SLC35F4: variants seen among roughly 807,000 people sequenced by gnomAD.
The protein encoded by SLC35F4 is chromosome 14 open reading frame 36.
SLC35F4 carries 24 observed loss-of-function variants against 44.2 expected under a neutral mutation model. The ratio of observed to expected loss-of-function variants is 0.54; its 90% confidence interval spans 0.39 to 0.76. The LOEUF is 0.76. Among genes scored for constraint, SLC35F4 ranks in the 30% least tolerant of loss-of-function variants. The pLI, the probability that SLC35F4 is intolerant of heterozygous loss-of-function variation, is 0.00. For missense variants in SLC35F4, 562 were observed against 586.1 expected (o/e 0.96, Z 0.42); for synonymous variants, 238 against 223.6 (o/e 1.06, Z -0.57).
chr14:57,800,491 G>A (rs1267028841), intron 1 of SLC35F4, among the ~76,000 whole-genome samples: 1 of 152,090 alleles, frequency 6.6e-6, no homozygotes, highest in Non-Finnish European at 1.5e-5. Flanking sequence ...AACCAGCAAG[G>A]GCACAGAACT....
rs72474194 is a variant in SLC35F4 at position 57,958,987 on chromosome 14, G to C, written n.282+22926C>G. On this transcript the variant is annotated intron_variant and non_coding_transcript_variant, in intron 1 of 1. Transcript: ENST00000556568. Reference sequence around the variant, plus strand: ...AACATTCAAAGGAAAAACAAAGCCAGAGGTGCAGCCATGCAGACTGGGTCC... The same window carrying C: ...AACATTCAAAGGAAAAACAAAGCCACAGGTGCAGCCATGCAGACTGGGTCC... Among the ~76,000 whole-genome samples the C allele has an allele frequency of 0.02, 3,078 of 152,266 alleles. 338 individuals carry two copies. In the East Asian group the frequency reaches 0.35, roughly 17 times the overall value.
intron 1 of SLC35F4, among the ~76,000 whole-genome samples, chr14:57,742,200 C>A (rs2076628742): frequency 6.6e-6 from 1 of 152,176 alleles, no homozygotes; most frequent in Non-Finnish European, 1.5e-5. Context: ...ATCATAATGA[C>A]AGGATCAAAT....
At chr14:57,777,615 A>G (rs1363816217) in intron 1 of SLC35F4, among the ~76,000 whole-genome samples, 1 of 151,698 alleles carries the variant, frequency 6.6e-6, no homozygotes, top group Non-Finnish European at 1.5e-5. Flanking sequence ...CATCACAAAC[A>G]GAGAGGCCTG....
intron 1 of SLC35F4, among the ~76,000 whole-genome samples, chr14:57,742,809 C>T (rs1310694388): frequency 6.6e-6 from 1 of 152,166 alleles, no homozygotes; most frequent in Non-Finnish European, 1.5e-5. Flanking sequence ...CCAAAATTGA[C>T]CACATAGTTG....
chr14:57,624,165 T>A (rs8011646), intron 1 of SLC35F4, among the ~76,000 whole-genome samples: 10,314 of 152,152 alleles, frequency 0.068, 993 homozygotes, highest in African/African-American at 0.22. Flanking sequence ...GAGAATATGA[T>A]AAACACCTCT....
intron 1 of SLC35F4, among the ~76,000 whole-genome samples, chr14:57,674,163 T>C (rs892482297): frequency 6.6e-6 from 1 of 152,090 alleles, no homozygotes; most frequent in Non-Finnish European, 1.5e-5. Context: ...CACAATAAGA[T>C]ACCACTACAA....
At chr14:57,706,862 CT>C (rs1156294357) in intron 1 of SLC35F4, among the ~76,000 whole-genome samples, 1 of 152,166 alleles carries the variant, frequency 6.6e-6, no homozygotes, top group Admixed American at 6.6e-5. Flanking sequence ...TGAATTTTCT[CT>C]TAAGGCCAAT....
intron 6 of SLC35F4, among the ~76,000 whole-genome samples, chr14:57,569,495 T>A (rs1453593652): frequency 1.3e-5 from 2 of 152,058 alleles, no homozygotes; most frequent in Non-Finnish European, 2.9e-5. Flanking sequence ...ATACAGTGTA[T>A]TAGAAAGAAT....
chr14:57,603,132 T>C (rs2070927992), intron 1 of SLC35F4, among the ~76,000 whole-genome samples: 1 of 152,188 alleles, frequency 6.6e-6, no homozygotes, highest in South Asian at 2.1e-4. Context: ...ATTCCTAAGA[T>C]ACTTATGAAA....
chr14:57,754,687 C>T (rs1423162022), intron 1 of SLC35F4, among the ~76,000 whole-genome samples: 16 of 152,228 alleles, frequency 1.1e-4, no homozygotes, highest in Admixed American at 9.2e-4. Context: ...ATTATGTGGC[C>T]TTCCTGCTCC....
chr14:57,915,376 G>A (rs142615053), intron 1 of SLC35F4, among the ~76,000 whole-genome samples: 175 of 152,168 alleles, frequency 1.2e-3, no homozygotes, highest in African/African-American at 4.1e-3. Flanking sequence ...ATGGTCACTT[G>A]GCCACACCCT....
At chr14:57,860,545 C>T (rs1887593596) in intron 1 of SLC35F4, among the ~76,000 whole-genome samples, 2 of 152,132 alleles carry the variant, frequency 1.3e-5, no homozygotes, top group Admixed American at 6.5e-5. Context: ...GTCTCAGAGC[C>T]AGTTGCTGGC....
At chr14:57,654,984 T>C (rs1416350065) in intron 1 of SLC35F4, among the ~76,000 whole-genome samples, 1 of 152,168 alleles carries the variant, frequency 6.6e-6, no homozygotes, top group East Asian at 1.9e-4. Context: ...GTCATAGCTT[T>C]TGATTCTGTA....
At chr14:57,633,420 C>T (rs937070982) in intron 1 of SLC35F4, among the ~76,000 whole-genome samples, 6 of 152,112 alleles carry the variant, frequency 3.9e-5, no homozygotes, top group Non-Finnish European at 8.8e-5. Context: ...TGATTTTGGC[C>T]ATTCTAATAG....
intron 1 of SLC35F4, among the ~76,000 whole-genome samples, chr14:57,739,870 G>T (rs1215509721): frequency 1.3e-5 from 2 of 152,180 alleles, no homozygotes; most frequent in Non-Finnish European, 2.9e-5. Context: ...TTGGTTTGTT[G>T]TTGTTTTGAG....
At chr14:57,565,868 A>G (rs1396639994) in intron 7 of SLC35F4, among the ~76,000 whole-genome samples, 1 of 152,174 alleles carries the variant, frequency 6.6e-6, no homozygotes, top group African/African-American at 2.4e-5. Context: ...GCTACTCAAG[A>G]CTTGAAATTA....
At chr14:57,572,580 A>C (rs1211508587) in intron 4 of SLC35F4, among the ~76,000 whole-genome samples, 2 of 152,242 alleles carry the variant, frequency 1.3e-5, no homozygotes, top group African/African-American at 4.8e-5. Flanking sequence ...TAAAGGAGCA[A>C]GCTGAGTCTG....
At chr14:57,820,908 G>A (rs1017805263) in intron 1 of SLC35F4, among the ~76,000 whole-genome samples, 1 of 152,202 alleles carries the variant, frequency 6.6e-6, no homozygotes, top group African/African-American at 2.4e-5. Context: ...CCTTGGAAGT[G>A]TCTGTTAACA....
At chr14:57,621,056 T>G (rs2072151040) in intron 1 of SLC35F4, among the ~76,000 whole-genome samples, 1 of 151,064 alleles carries the variant, frequency 6.6e-6, no homozygotes, top group African/African-American at 2.4e-5. Flanking sequence ...ATGAGTGAAC[T>G]CCCATTCACA....
Sources: gnomAD v4.1 joint callset for allele counts (sites outside exome capture counted in the v4.1 genomes callset) on GRCh38, gnomAD v4.1.1 for gene constraint, MANE v1.5 for transcripts, NCBI Gene and HGNC (gene_info 2026-07-23, HGNC 2026-07-21) for gene names.